NUP54: variants seen among roughly 807,000 people sequenced by gnomAD.
NUP54 encodes the protein nucleoporin 54.
In NUP54, 27 loss-of-function variants were observed where a neutral mutation model predicts 66.4. The observed-to-expected ratio is 0.41, with a 90% CI of 0.30 to 0.56. The LOEUF (loss-of-function observed/expected upper bound fraction) is 0.56. NUP54 is among the 20% of genes least tolerant of loss of function. The probability of loss-of-function intolerance (pLI) is 0.34; values close to 1 mark genes in which losing one functional copy is unlikely to be tolerated. For synonymous variants in NUP54, 206 were observed against 210.7 expected (o/e 0.98, Z 0.19); for missense variants, 486 against 596.3 (o/e 0.82, Z 1.93).
rs543680513 is a variant in NUP54 at position 76,138,601 on chromosome 4, G to A, written c.296-2189C>T. ...ACATCAAACAAATATTAACAATTGT[G>A]ATAAGTCCTTCAGAGAAGTACAGAG... On this transcript the variant is annotated intron_variant, in intron 3 of 11. Coordinates refer to ENST00000264883, the MANE Select transcript of NUP54 (RefSeq NM_017426.4). 4.6e-5 allele frequency among the ~76,000 whole-genome samples: 7 copies of A among 152,316 alleles called. No individual in the cohort carries two copies. The South Asian group carries it at 1.5e-3, about 32-fold the overall frequency.
chr4:76,116,032 C>T (rs2109847233), intron 11 of NUP54, among the ~76,000 whole-genome samples: 1 of 152,226 alleles, frequency 6.6e-6, no homozygotes, highest in Non-Finnish European at 1.5e-5. Context: ...ATTATCATCT[C>T]GACAGTTAAA....
Position 76,148,337 on chromosome 4 carries a change from C to T in NUP54, c.38G>A (p.Gly13Asp), listed in dbSNP as rs2109921140. ...GGGGGCCGCGGTGGCTGCAGCGGTACCGGAGGTGCCCGAGGGAGCCCCAAA... is the reference window on the plus strand; with the variant it reads ...GGGGGCCGCGGTGGCTGCAGCGGTATCGGAGGTGCCCGAGGGAGCCCCAAA... ...FNFGAPSGTS[G>D]TAAATAAPAG... Residue 13 changes from glycine to aspartate, a missense_variant, in exon 1 of 12, where the codon GGT becomes GAT. Coordinates refer to ENST00000264883, the MANE Select transcript of NUP54 (RefSeq NM_017426.4). 9 of 1,545,120 alleles carry T rather than the reference C, an allele frequency of 5.8e-6. No homozygotes were observed. The highest frequency in any genetic ancestry group is 1.2e-5 in the South Asian group (1 of 81,212).
chr4:76,129,846 C>CA (rs1218843048), intron 8 of NUP54, among the ~76,000 whole-genome samples: 1 of 98,414 alleles, frequency 1.0e-5, no homozygotes, highest in Non-Finnish European at 1.8e-5. Context: ...GCCTGGGCGA[C>CA]AGAGCGAGAG....
At chr4:76,117,856 A>G in intron 10 of NUP54, 82 bp from the exon 11 acceptor site, 4 of 1,202,568 alleles carry the variant, frequency 3.3e-6, no homozygotes, top group Non-Finnish European at 4.8e-6. Flanking sequence ...GGATGGTTTC[A>G]AAACCATCTA....
intron 9 of NUP54, among the ~76,000 whole-genome samples, chr4:76,123,101 G>T (rs1438974116): frequency 6.6e-6 from 1 of 152,200 alleles, no homozygotes; most frequent in Non-Finnish European, 1.5e-5. Flanking sequence ...TGTCTGTAGG[G>T]TGACAGAAAT....
At chr4:76,122,001 T>G (rs1218777718) in intron 9 of NUP54, among the ~76,000 whole-genome samples, 1 of 152,240 alleles carries the variant, frequency 6.6e-6, no homozygotes. Context: ...CAAATAATGA[T>G]GATAATATTG....
chr4:76,140,164 CAGG>C (rs1397497015), intron 3 of NUP54, among the ~76,000 whole-genome samples: 1 of 151,096 alleles, frequency 6.6e-6, no homozygotes, highest in Admixed American at 6.6e-5. Flanking sequence ...CCTGAAAAGG[CAGG>C]AGGTTATAAG....
At chr4:76,118,813 G>A (rs1190684272) in intron 9 of NUP54, among the ~76,000 whole-genome samples, 1 of 151,864 alleles carries the variant, frequency 6.6e-6, no homozygotes, top group Non-Finnish European at 1.5e-5. Context: ...GACCATCCTG[G>A]CTAACATGAT....
At chr4:76,127,913 T>A (rs1362696148) in intron 8 of NUP54, among the ~76,000 whole-genome samples, 1 of 152,154 alleles carries the variant, frequency 6.6e-6, no homozygotes, top group African/African-American at 2.4e-5. Flanking sequence ...AATATAGCTA[T>A]AAAACTTGGA....
chr4:76,147,392 A>T, intron 1 of NUP54: 1 of 848,806 alleles, frequency 1.2e-6, no homozygotes, highest in Non-Finnish European at 1.6e-6. Context: ...TTAGACAAGT[A>T]ACTGTTCTTT....
intron 1 of NUP54, chr4:76,147,915 G>C (rs1385230673): frequency 3.6e-6 from 1 of 274,048 alleles, no homozygotes; most frequent in Non-Finnish European, 7.1e-6. Flanking sequence ...CCCTATCCTC[G>C]CCGAGTCCGG....
chr4:76,121,106 TA>T (rs1310436704), intron 9 of NUP54, among the ~76,000 whole-genome samples: 7 of 152,232 alleles, frequency 4.6e-5, no homozygotes, highest in Non-Finnish European at 8.8e-5. Context: ...GAAAGTTTCT[TA>T]AAGTCTTTAG....
intron 1 of NUP54, chr4:76,148,001 G>T (rs980577727): frequency 3.2e-5 from 12 of 373,828 alleles, no homozygotes; most frequent in Non-Finnish European, 5.8e-5. Context: ...TCGGGCAAGG[G>T]GAGAGGGAAG....
rs1288342666 is a variant in NUP54, at chr4:76,134,413, C to G, written c.523-51G>C. 2.8e-6 allele frequency: 4 copies of G among 1,436,426 alleles called. No homozygotes were observed. In the Admixed American group the frequency reaches 8.6e-5, roughly 31 times the overall value. The allele number at this position is 1,436,426 out of a possible 1,614,324, so 89.0% of individuals were successfully genotyped here. ...TAAAAAATATGTACAGATCTTAAATCAGGTGTTTAATATTAATAGCTTAAT... is the reference window on the plus strand; with the variant it reads ...TAAAAAATATGTACAGATCTTAAATGAGGTGTTTAATATTAATAGCTTAAT... On this transcript the variant is annotated intron_variant, in intron 4 of 11. Transcript: ENST00000264883.
Position 76,119,773 on chromosome 4 carries a change from G to A in NUP54, c.1165-1579C>T, listed in dbSNP as rs189072177. 1.3e-3 allele frequency among the ~76,000 whole-genome samples: 204 copies of A among 152,066 alleles called. 4 individuals are homozygous for A. In the East Asian group the frequency reaches 0.032, roughly 24 times the overall value. ...CTCTTGGTTTGCTGCTACTCTCCAAGCCCAGCTTACTCTGTTAAAAACAGT... is the reference window on the plus strand; with the variant it reads ...CTCTTGGTTTGCTGCTACTCTCCAAACCCAGCTTACTCTGTTAAAAACAGT... On this transcript the variant is annotated intron_variant, in intron 9 of 11. Transcript: ENST00000264883.
At chr4:76,138,943 ATAAAG>A (rs983395720) in intron 3 of NUP54, among the ~76,000 whole-genome samples, 3 of 152,186 alleles carry the variant, frequency 2.0e-5, no homozygotes, top group African/African-American at 7.2e-5. Context: ...TGGTAATTTT[ATAAAG>A]TAAAGATCAA....
intron 1 of NUP54, chr4:76,148,095 G>A: frequency 2.4e-6 from 1 of 421,970 alleles, no homozygotes; most frequent in Non-Finnish European, 4.2e-6. Context: ...CTCACGCGCG[G>A]CAAGCGAGCT....
chr4:76,147,895 G>A, intron 1 of NUP54: 1 of 307,496 alleles, frequency 3.3e-6, no homozygotes, highest in South Asian at 3.5e-5. Context: ...CAGTGCCGGT[G>A]GATCCCCAGC....
intron 9 of NUP54, among the ~76,000 whole-genome samples, chr4:76,121,987 G>A (rs1730255651): frequency 6.6e-6 from 1 of 152,120 alleles, no homozygotes; most frequent in South Asian, 2.1e-4. Context: ...CTCCAAGATA[G>A]CAACAAATAA....
Sources: allele counts gnomAD v4.1 joint callset (sites outside exome capture counted in the v4.1 genomes callset), GRCh38; gene constraint gnomAD v4.1.1; transcripts MANE v1.5; gene names NCBI Gene and HGNC (gene_info 2026-07-23, HGNC 2026-07-21).